RGSL1: variants seen among roughly 807,000 people sequenced by gnomAD.
The protein encoded by RGSL1 is regulator of G protein signaling like 1, also known as regulator of G protein signaling protein-like.
A neutral mutation model predicts 124.7 loss-of-function variants in RGSL1; 97 were observed. The ratio of observed to expected loss-of-function variants is 0.78; its 90% CI spans 0.66 to 0.92. The LOEUF (loss-of-function observed/expected upper bound fraction) is 0.92, where lower values mean the gene tolerates loss of function less well. Among genes scored for constraint, RGSL1 ranks in the 40% least tolerant of loss-of-function variants. RGSL1 has a pLI of 0.00. For synonymous variants in RGSL1, 424 were observed against 438.1 expected (o/e 0.97, Z 0.40); for missense variants, 1,233 against 1,288.4 (o/e 0.96, Z 0.66).
At chr1:182,488,782 T>G in intron 7 of RGSL1, 198 bp from the exon 8 acceptor site, 1 of 482,788 alleles carries the variant, frequency 2.1e-6, no homozygotes, top group South Asian at 3.9e-5. Flanking sequence ...CACAGAAAAT[T>G]TCTTCCTTAT....
intron 6 of RGSL1, among the ~76,000 whole-genome samples, chr1:182,479,915 C>G (rs1004288566): frequency 4.6e-5 from 7 of 152,166 alleles, no homozygotes; most frequent in African/African-American, 1.7e-4. Flanking sequence ...ATAAAAGGGT[C>G]AATTTAATAG....
intron 14 of RGSL1, among the ~76,000 whole-genome samples, chr1:182,533,296 C>CTTTTTTT (rs71573276): frequency 7.4e-5 from 8 of 107,734 alleles, no homozygotes; most frequent in South Asian, 2.7e-4. Flanking sequence ...TAACTTGCTT[C>CTTTTTTT]TTTTTTTTTT....
At chr1:182,545,783 G>C (rs917592067) in intron 15 of RGSL1, among the ~76,000 whole-genome samples, 4 of 152,064 alleles carry the variant, frequency 2.6e-5, no homozygotes, top group African/African-American at 9.7e-5. Flanking sequence ...TGAGAAGTCT[G>C]TTGCCAGGTG....
intron 7 of RGSL1, 160 bp from the exon 8 acceptor site, chr1:182,488,819 TG>T (rs1439497270): frequency 1.1e-5 from 6 of 534,336 alleles, no homozygotes; most frequent in Non-Finnish European, 2.0e-5. Flanking sequence ...TAGAAAAGGG[TG>T]GGGGTTGGCA....
chr1:182,465,072 A>G (rs766341296), intron 4 of RGSL1, among the ~76,000 whole-genome samples: 4 of 151,974 alleles, frequency 2.6e-5, no homozygotes, highest in African/African-American at 2.4e-5. Context: ...GCAAGACCCT[A>G]TCTTATAATA....
Position 182,453,993 on chromosome 1 carries a change from G to C in RGSL1, c.49G>C (p.Glu17Gln). 2.0e-6 allele frequency: 3 copies of C among 1,536,320 alleles called. No homozygotes were observed. Among genetic ancestry groups the C allele is most frequent in the East Asian group, 2.4e-5 (1 of 40,834 alleles). Residue 17 changes from glutamate (E) to glutamine (Q), a missense_variant, in exon 2 of 22, where the codon GAG becomes CAG. Transcript: ENST00000294854. ...IGSTNLIILL[E>Q]DEVFADFFNT... ...TTCTACAAATCTTATAATTCTGCTAGAGGATGAAGTCTTTGCCGATTTTTT... is the reference window on the plus strand; with the variant it reads ...TTCTACAAATCTTATAATTCTGCTACAGGATGAAGTCTTTGCCGATTTTTT...
At chr1:182,470,368 C>A (rs575142537) in intron 4 of RGSL1, among the ~76,000 whole-genome samples, 1 of 152,126 alleles carries the variant, frequency 6.6e-6, no homozygotes, top group African/African-American at 2.4e-5. Context: ...CTCATCTCTT[C>A]CTACTTCCCT....
At chr1:182,488,144 T>C in intron 6 of RGSL1, 141 bp from the exon 7 acceptor site, 1 of 739,274 alleles carries the variant, frequency 1.4e-6, no homozygotes. Flanking sequence ...TGGTCATAGC[T>C]AATGTTTGCT....
intron 9 of RGSL1, among the ~76,000 whole-genome samples, chr1:182,503,901 TAA>T (rs1462956382): frequency 6.6e-6 from 1 of 151,798 alleles, no homozygotes; most frequent in Non-Finnish European, 1.5e-5. Flanking sequence ...CCACAAAAAT[TAA>T]AAGTTTTTTA....
rs68163917 is a variant in RGSL1 at position 182,454,586 on chromosome 1, A to ATGTGTGTGTGTG, written c.96+575_96+586dup. Among the ~76,000 whole-genome samples the ATGTGTGTGTGTG allele has an allele frequency of 3.5e-4, 51 of 144,608 alleles. 1 individual carries two copies. Among genetic ancestry groups the ATGTGTGTGTGTG allele is most frequent in the African/African-American group, 1.3e-3 (51 of 39,108 alleles). 94.9% of individuals were successfully genotyped at this position (144,608 alleles called of 152,430 possible). On this transcript the variant is annotated intron_variant, in intron 2 of 21. Coordinates refer to ENST00000294854, the MANE Select transcript of RGSL1 (RefSeq NM_001137669.2). ...GCACTTTGCAACTCTCTTGAGTTGT[A>ATGTGTGTGTGTG]TGTGTGTGTGTGTGTGTGTGTGTGT... is the stretch of plus-strand genomic sequence containing the variant.
At chr1:182,481,342 C>G (rs1654692229) in intron 6 of RGSL1, among the ~76,000 whole-genome samples, 1 of 151,946 alleles carries the variant, frequency 6.6e-6, no homozygotes, top group South Asian at 2.1e-4. Flanking sequence ...ATTGGACAAC[C>G]TACAAGAAAT....
At chr1:182,450,288 A>C in intron 1 of RGSL1, 110 bp downstream of exon 1, 1 of 1,239,458 alleles carries the variant, frequency 8.1e-7, no homozygotes, top group Non-Finnish European at 1.2e-6. Context: ...ACCATGGGTG[A>C]CTTTTGTGTT....
At chr1:182,476,691 AG>A (rs1289989859) in intron 6 of RGSL1, among the ~76,000 whole-genome samples, 6 of 152,246 alleles carry the variant, frequency 3.9e-5, no homozygotes, top group Non-Finnish European at 8.8e-5. Flanking sequence ...GTCTCAATGA[AG>A]ATTTTTACTT....
At chr1:182,471,580 C>T (rs73057372) in intron 4 of RGSL1, among the ~76,000 whole-genome samples, 3,189 of 152,242 alleles carry the variant, frequency 0.021, 111 homozygotes, top group African/African-American at 0.073. Context: ...CCCTTTTACT[C>T]GTTTATTCAT....
chr1:182,473,966 A>C lies in RGSL1; in HGVS notation c.855A>C (p.Gln285His), dbSNP rs1161836793. Residue 285 changes from glutamine (Q) to histidine (H), a missense_variant, in exon 6 of 22, where the codon CAA becomes CAC. Physicochemically the swap from Gln to His is conservative, Grantham distance 24. Coordinates refer to ENST00000294854, the MANE Select transcript of RGSL1 (RefSeq NM_001137669.2). Reference sequence around the variant, plus strand: ...TGCCCCTACAGGAGACATGTCCTCAAGAGAAGGTGGTTATACAAATGCCTT... The same window carrying C: ...TGCCCCTACAGGAGACATGTCCTCACGAGAAGGTGGTTATACAAATGCCTT... ...IGMPLQETCPQEKVVIQMPSL... is the reference protein window; with the variant it reads ...IGMPLQETCPHEKVVIQMPSL... 82 of 1,551,960 alleles carry C rather than the reference A, an allele frequency of 5.3e-5. No homozygotes were observed. The highest frequency in any genetic ancestry group is 7.0e-5 in the Non-Finnish European group (80 of 1,147,076).
intron 21 of RGSL1, 112 bp downstream of exon 21, chr1:182,556,334 C>G: frequency 2.6e-6 from 1 of 391,538 alleles, no homozygotes; most frequent in Non-Finnish European, 4.6e-6. Flanking sequence ...TGTGCAAATC[C>G]TGGCTCAGGT....
In RGSL1 at chr1:182,459,986, A is replaced by AT. The variant is rs1320960192; in HGVS notation, c.172-14dup. ...GGTTTCACTTAGCATTTTTGTTTCT[A>AT]TTTTGCTTTGACTCTAGATTGCCAA... is the stretch of plus-strand genomic sequence containing the variant. On this transcript the variant is annotated splice_polypyrimidine_tract_variant and intron_variant, in intron 3 of 21. Transcript: ENST00000294854. 3 of 1,544,384 alleles carry AT rather than the reference A, an allele frequency of 1.9e-6. No individual in the cohort carries two copies. The highest frequency in any genetic ancestry group is 1.7e-4 in the Middle Eastern group (1 of 5,740).
chr1:182,528,867 G>A (rs1302759588), intron 11 of RGSL1, among the ~76,000 whole-genome samples: 1 of 152,194 alleles, frequency 6.6e-6, no homozygotes, highest in East Asian at 1.9e-4. Flanking sequence ...CCACATGACT[G>A]GGGAGGCCTC....
At chr1:182,548,659 G>T (rs368195738) in intron 16 of RGSL1, 41 bp from the exon 17 acceptor site, 8 of 1,548,746 alleles carry the variant, frequency 5.2e-6, no homozygotes, top group South Asian at 4.8e-5. Context: ...CTGCCTTCCC[G>T]TGGAGCCTCT....
Sources: allele counts gnomAD v4.1 joint callset (sites outside exome capture counted in the v4.1 genomes callset), GRCh38; gene constraint gnomAD v4.1.1; transcripts MANE v1.5; gene names NCBI Gene and HGNC (gene_info 2026-07-23, HGNC 2026-07-21).